The following PBX1 variants were observed in gnomAD, a reference collection of about 807,000 sequenced individuals.
The protein encoded by PBX1 is PBX homeobox 1.
Under a neutral mutation model 53.4 loss-of-function variants are expected in PBX1, and 6 were observed. That is an observed-to-expected ratio of 0.11 (90% CI 0.06 to 0.22). The LOEUF is 0.22. Ranked by LOEUF, PBX1 falls within the 10% of genes least tolerant of loss-of-function variation. The probability of loss-of-function intolerance (pLI) is 1.00; values close to 1 mark genes in which losing one functional copy is unlikely to be tolerated. For missense variants in PBX1, 251 were observed against 551.4 expected, an observed-to-expected ratio of 0.46 and a Z score of 5.46; for synonymous variants, 204 against 212.3, an observed-to-expected ratio of 0.96 and a Z score of 0.34.
At chr1:164,831,684 TAC>T (rs1180856821) in intron 8 of PBX1, among the ~76,000 whole-genome samples, 2 of 152,206 alleles carry the variant, frequency 1.3e-5, no homozygotes, top group African/African-American at 4.8e-5. Context: ...ACAAATGTAA[TAC>T]ACTTGTATAT....
At chr1:164,861,312 G>A (rs1340270541) in intron 2 of PBX1, among the ~76,000 whole-genome samples, 1 of 152,170 alleles carries the variant, frequency 6.6e-6, no homozygotes, top group African/African-American at 2.4e-5. Context: ...TTGTTTAAGA[G>A]CAGCTCTGCT....
At chr1:164,880,058 G>A (rs1044029438) in intron 2 of PBX1, among the ~76,000 whole-genome samples, 1 of 152,148 alleles carries the variant, frequency 6.6e-6, no homozygotes, top group African/African-American at 2.4e-5. Flanking sequence ...CTTCTGTCAA[G>A]GATGGAGAGG....
chr1:164,868,055 G>A (rs180937201), intron 2 of PBX1, among the ~76,000 whole-genome samples: 5 of 152,312 alleles, frequency 3.3e-5, no homozygotes, highest in Non-Finnish European at 7.3e-5. Context: ...TAGGTCTCAG[G>A]TGGGCCCCCA....
At chr1:164,747,040 T>C (rs1665930735) in intron 2 of PBX1, among the ~76,000 whole-genome samples, 1 of 152,206 alleles carries the variant, frequency 6.6e-6, no homozygotes, top group African/African-American at 2.4e-5. Flanking sequence ...GGAGATATTG[T>C]TGTTCCTATT....
chr1:164,603,929 ATTTTTTT>A (rs71583414), intron 2 of PBX1, among the ~76,000 whole-genome samples: 8 of 75,756 alleles, frequency 1.1e-4, no homozygotes, highest in African/African-American at 1.2e-4. Flanking sequence ...ATGTCATTTC[ATTTTTTT>A]TTTTTTTTTT....
intron 2 of PBX1, among the ~76,000 whole-genome samples, chr1:164,720,684 G>T (rs1049185763): frequency 1.3e-5 from 2 of 152,112 alleles, no homozygotes; most frequent in Admixed American, 1.3e-4. Context: ...ACCAAACCGG[G>T]GGCTCAAGTG....
intron 2 of PBX1, among the ~76,000 whole-genome samples, chr1:164,611,233 C>T (rs1489279029): frequency 1.3e-5 from 2 of 151,964 alleles, no homozygotes; most frequent in South Asian, 2.1e-4. Context: ...TTTCACATTT[C>T]TGTGTTTCTT....
chr1:164,566,129 T>C (rs1653417567), intron 2 of PBX1, among the ~76,000 whole-genome samples: 1 of 152,168 alleles, frequency 6.6e-6, no homozygotes, highest in Admixed American at 6.5e-5. Context: ...TAAGATGTAT[T>C]ACCAACCTTT....
At chr1:164,712,660 G>A (rs1345081480) in intron 2 of PBX1, among the ~76,000 whole-genome samples, 1 of 152,312 alleles carries the variant, frequency 6.6e-6, no homozygotes, top group East Asian at 1.9e-4. Context: ...GAGAGGCAGA[G>A]GGTCAGCCCA....
At chr1:164,755,746 G>A (rs1666478177) in intron 2 of PBX1, among the ~76,000 whole-genome samples, 1 of 152,106 alleles carries the variant, frequency 6.6e-6, no homozygotes, top group African/African-American at 2.4e-5. Flanking sequence ...TTCCAAGGCT[G>A]AGGACAAGGA....
chr1:164,761,513 C>T (rs1416032849), intron 2 of PBX1, among the ~76,000 whole-genome samples: 3 of 151,594 alleles, frequency 2.0e-5, no homozygotes, highest in African/African-American at 4.9e-5. Flanking sequence ...GGCGCGATCT[C>T]GACTCACTGC....
intron 8 of PBX1, among the ~76,000 whole-genome samples, chr1:164,822,940 CTTGGTAAGGATG>C (rs1358345877): frequency 1.3e-5 from 2 of 152,122 alleles, no homozygotes; most frequent in Non-Finnish European, 2.9e-5. Context: ...TGGCTAGCTG[CTTGGTAAGGATG>C]TTGCAGAAGG....
chr1:164,686,774 C>T (rs992959589), intron 2 of PBX1, among the ~76,000 whole-genome samples: 40 of 151,784 alleles, frequency 2.6e-4, no homozygotes, highest in African/African-American at 9.7e-4. Flanking sequence ...CTGGCTAACA[C>T]GATGAAACCC....
chr1:164,740,165 A>G (rs2102163497), intron 2 of PBX1, among the ~76,000 whole-genome samples: 1 of 152,280 alleles, frequency 6.6e-6, no homozygotes, highest in South Asian at 2.1e-4. Flanking sequence ...GATGAAGATG[A>G]AAGGTTACGG....
chr1:164,758,579 C>T (rs1198527054), intron 2 of PBX1, among the ~76,000 whole-genome samples: 2 of 152,200 alleles, frequency 1.3e-5, no homozygotes, highest in Non-Finnish European at 2.9e-5. Flanking sequence ...TCACTGCCTT[C>T]TTACCCTGTC....
intron 2 of PBX1, among the ~76,000 whole-genome samples, chr1:164,662,334 A>G (rs1660536939): frequency 1.3e-5 from 2 of 152,158 alleles, no homozygotes; most frequent in African/African-American, 4.8e-5. Flanking sequence ...TCAAACAAAC[A>G]AACAAAAACT....
chr1:164,612,353 T>A (rs1656990472), intron 2 of PBX1, among the ~76,000 whole-genome samples: 3 of 152,122 alleles, frequency 2.0e-5, no homozygotes, highest in Admixed American at 2.0e-4. Flanking sequence ...CTGCAACGGT[T>A]GAGACTAATC....
chr1:164,626,703 T>G (rs571856780), intron 2 of PBX1, among the ~76,000 whole-genome samples: 25 of 152,324 alleles, frequency 1.6e-4, no homozygotes, highest in Non-Finnish European at 3.4e-4. Context: ...ATGGGCAAGA[T>G]GAGAATGCCT....
intron 8 of PBX1, among the ~76,000 whole-genome samples, chr1:164,824,131 C>T (rs1052619598): frequency 2.0e-5 from 3 of 152,120 alleles, no homozygotes; most frequent in African/African-American, 2.4e-5. Flanking sequence ...GTGTTTGATT[C>T]GGTGGAGGAC....
Sources: gnomAD v4.1 joint callset for allele counts (sites outside exome capture counted in the v4.1 genomes callset) on GRCh38, gnomAD v4.1.1 for gene constraint, MANE v1.5 for transcripts, NCBI Gene and HGNC (gene_info 2026-07-23, HGNC 2026-07-21) for gene names.